Variants in TENM4 observed in about 807,000 individuals in gnomAD.
The protein encoded by TENM4 is teneurin transmembrane protein 4, also known as teneurin-4.
Under a neutral mutation model 243.3 loss-of-function variants are expected in TENM4, and 82 were observed. The observed-to-expected ratio is 0.34, with a 90% confidence interval of 0.28 to 0.40. The LOEUF is 0.40. Among genes scored for constraint, TENM4 ranks in the 10% least tolerant of loss-of-function variants. TENM4 has a pLI of 1.00. For synonymous variants in TENM4, 1,412 were observed against 1,456.3 expected, an observed-to-expected ratio of 0.97 and a Z score of 0.69; for missense variants, 3,138 against 3,673.3, an observed-to-expected ratio of 0.85 and a Z score of 3.77.
rs567614719 is a variant in TENM4 at position 79,139,750 on chromosome 11, ATATATATTATATTTATATAAATATAT to A, written c.-66+8934_-66+8959del. Among the ~76,000 whole-genome samples, 71 of 14,106 alleles carry A rather than the reference ATATATATTATATTTATATAAATATAT, an allele frequency of 5.0e-3. 3 individuals are homozygous for A. The highest frequency in any genetic ancestry group is 8.7e-3 in the Admixed American group (12 of 1,376). The allele number at this position is 14,106 out of a possible 152,430, so 9.3% of individuals were successfully genotyped here. A position where few individuals can be genotyped will look rare whatever the true frequency, so the allele number is the denominator to read the frequency against. On this transcript the variant is annotated intron_variant, in intron 4 of 33. Coordinates refer to ENST00000278550, the MANE Select transcript of TENM4 (RefSeq NM_001098816.3). ...TATATTATATTTATATAAATATATAATATATATTATATTTATATAAATATATAATATATATTATATTTATATAAATA... is the reference window on the plus strand; with the variant it reads ...TATATTATATTTATATAAATATATAAAATATATATTATATTTATATAAATA...
intron 1 of TENM4, among the ~76,000 whole-genome samples, chr11:79,381,858 G>C (rs1334399142): frequency 6.6e-6 from 1 of 151,956 alleles, no homozygotes; most frequent in Non-Finnish European, 1.5e-5. Context: ...GCAGGATCTG[G>C]ACCAAGGCCG....
intron 1 of TENM4, among the ~76,000 whole-genome samples, chr11:79,366,974 C>T (rs1269713241): frequency 6.6e-6 from 1 of 152,180 alleles, no homozygotes. Flanking sequence ...TTTTCTTCCT[C>T]CTTGGATCAG....
intron 6 of TENM4, among the ~76,000 whole-genome samples, chr11:78,925,497 G>A (rs1044089238): frequency 6.6e-6 from 1 of 152,138 alleles, no homozygotes; most frequent in Non-Finnish European, 1.5e-5. Context: ...ATGCAGGAGA[G>A]CTGGAGTCTG....
At chr11:78,876,504 G>A (rs146786468) in intron 9 of TENM4, among the ~76,000 whole-genome samples, 4 of 152,178 alleles carry the variant, frequency 2.6e-5, no homozygotes, top group Admixed American at 2.0e-4. Flanking sequence ...AAGCCATTCC[G>A]ATCTTCTCTT....
At chr11:78,999,801 GAGAA>G (rs368212742) in intron 6 of TENM4, among the ~76,000 whole-genome samples, 62 of 151,614 alleles carry the variant, frequency 4.1e-4, no homozygotes, top group African/African-American at 1.4e-3. Flanking sequence ...TCCAGGAGAG[GAGAA>G]AGAGAGAAAC....
At chr11:79,050,075 T>C (rs1262003991) in intron 6 of TENM4, among the ~76,000 whole-genome samples, 2 of 152,204 alleles carry the variant, frequency 1.3e-5, no homozygotes, top group African/African-American at 2.4e-5. Flanking sequence ...AGGGCCACTG[T>C]CAGCATTTAA....
At chr11:79,163,982 A>G (rs994648155) in intron 3 of TENM4, among the ~76,000 whole-genome samples, 9 of 128,548 alleles carry the variant, frequency 7.0e-5, no homozygotes, top group Non-Finnish European at 1.3e-4. Flanking sequence ...TATAGTGTAT[A>G]TATAGTGTAT....
chr11:79,416,990 G>A (rs1431431002), intron 1 of TENM4, among the ~76,000 whole-genome samples: 1 of 152,174 alleles, frequency 6.6e-6, no homozygotes, highest in African/African-American at 2.4e-5. Context: ...GTTTAGCCAA[G>A]ATATACTGTG....
rs148503898 is a variant in TENM4, at chr11:79,348,942, C to G, written c.-320-51399G>C. ...CACAGGGACTTGCCCAATAAATGAT[C>G]GTTTTTATCGAAGTGCCTAACTGGA... On this transcript the variant is annotated intron_variant, in intron 1 of 33. Transcript: ENST00000278550. 3.5e-3 allele frequency among the ~76,000 whole-genome samples: 536 copies of G among 152,254 alleles called. 4 individuals are homozygous for G. The highest frequency in any genetic ancestry group is 0.012 in the African/African-American group (501 of 41,532).
chr11:78,684,767 G>A (rs1162079026), intron 29 of TENM4, among the ~76,000 whole-genome samples: 4 of 152,154 alleles, frequency 2.6e-5, no homozygotes, highest in Non-Finnish European at 4.4e-5. Flanking sequence ...TTACCTCCTA[G>A]GCATATGCGG....
chr11:78,762,657 G>A (rs1856455315), intron 18 of TENM4, among the ~76,000 whole-genome samples: 1 of 152,160 alleles, frequency 6.6e-6, no homozygotes. Flanking sequence ...CACCAATGGA[G>A]GCAATCCTGT....
At chr11:78,966,544 G>A (rs1262323993) in intron 6 of TENM4, among the ~76,000 whole-genome samples, 1 of 152,144 alleles carries the variant, frequency 6.6e-6, no homozygotes, top group South Asian at 2.1e-4. Context: ...GAGGGAGAGT[G>A]CACAAGGAGG....
In TENM4 at chr11:79,031,087, C is replaced by T. The variant is rs146276524; in HGVS notation, c.493+33651G>A. On this transcript the variant is annotated intron_variant, in intron 6 of 33. Transcript: ENST00000278550. The stretch of plus-strand genomic sequence containing the variant: ...ATTGTAGGGACCACGTCTTGTTTTG[C>T]TTAATCTTGTATCCGTAGCACCCAG... Among the ~76,000 whole-genome samples, 254 of 152,284 alleles carry T rather than the reference C, an allele frequency of 1.7e-3. 1 individual carries two copies. The highest frequency in any genetic ancestry group is 5.8e-3 in the African/African-American group (243 of 41,568).
At chr11:78,743,356 G>C (rs1855975512) in intron 19 of TENM4, among the ~76,000 whole-genome samples, 1 of 152,160 alleles carries the variant, frequency 6.6e-6, no homozygotes, top group African/African-American at 2.4e-5. Flanking sequence ...TCCCAGCATT[G>C]ATCACGGTTG....
chr11:78,808,063 A>C (rs1399701227), intron 14 of TENM4, among the ~76,000 whole-genome samples: 4 of 152,240 alleles, frequency 2.6e-5, no homozygotes, highest in Non-Finnish European at 5.9e-5. Context: ...AGCTCATTTT[A>C]ATTCAGACAT....
chr11:78,862,454 G>A (rs776373827), intron 10 of TENM4, among the ~76,000 whole-genome samples: 5 of 152,088 alleles, frequency 3.3e-5, no homozygotes, highest in East Asian at 3.8e-4. Context: ...TTGCGGATGC[G>A]GAAACTGAAG....
chr11:79,184,361 T>C (rs1031867586), intron 3 of TENM4, among the ~76,000 whole-genome samples: 4 of 152,116 alleles, frequency 2.6e-5, no homozygotes, highest in Admixed American at 6.5e-5. Context: ...ATGTGCAACC[T>C]AGATCCCTCC....
intron 9 of TENM4, among the ~76,000 whole-genome samples, chr11:78,888,339 G>A (rs1451386705): frequency 1.3e-5 from 2 of 152,332 alleles, no homozygotes; most frequent in East Asian, 3.9e-4. Context: ...GACAGAAGAA[G>A]AGATGACATG....
intron 1 of TENM4, among the ~76,000 whole-genome samples, chr11:79,307,249 T>G (rs745716177): frequency 2.0e-5 from 3 of 152,122 alleles, no homozygotes; most frequent in African/African-American, 2.4e-5. Context: ...CGTGTTGTGG[T>G]GCTTGGGCCC....
Sources: allele counts gnomAD v4.1 joint callset (sites outside exome capture counted in the v4.1 genomes callset), GRCh38; gene constraint gnomAD v4.1.1; transcripts MANE v1.5; gene names NCBI Gene and HGNC (gene_info 2026-07-23, HGNC 2026-07-21).